ANKMY2: variants seen among roughly 807,000 people sequenced by gnomAD.
ANKMY2 encodes ankyrin repeat and MYND domain-containing protein 2.
A neutral mutation model predicts 50.4 loss-of-function variants in ANKMY2; 36 were observed. That is an observed-to-expected ratio of 0.71 (90% CI 0.55 to 0.94). The LOEUF (loss-of-function observed/expected upper bound fraction) is 0.94, where lower values mean the gene tolerates loss of function less well. ANKMY2 is among the 40% of genes least tolerant of loss of function. The probability of loss-of-function intolerance (pLI) is 0.00; values close to 1 mark genes in which losing one functional copy is unlikely to be tolerated. For missense variants in ANKMY2, 565 were observed against 524.0 expected, an observed-to-expected ratio of 1.08 and a Z score of -0.76; for synonymous variants, 187 against 178.8, an observed-to-expected ratio of 1.05 and a Z score of -0.36.
intron 4 of ANKMY2, among the ~76,000 whole-genome samples, chr7:16,620,902 G>C (rs1781426502): frequency 6.6e-6 from 1 of 151,878 alleles, no homozygotes; most frequent in South Asian, 2.1e-4. Context: ...AGTAAAAGTA[G>C]AACTAAAAGA....
At chr7:16,612,038 G>T (rs898956739) in intron 5 of ANKMY2, among the ~76,000 whole-genome samples, 1 of 152,160 alleles carries the variant, frequency 6.6e-6, no homozygotes, top group African/African-American at 2.4e-5. Context: ...CTTCCTGGTT[G>T]TAAGACAAGA....
chr7:16,619,403 C>G (rs1488447745), intron 4 of ANKMY2, among the ~76,000 whole-genome samples: 2 of 152,184 alleles, frequency 1.3e-5, no homozygotes, highest in Non-Finnish European at 2.9e-5. Flanking sequence ...ATCCGCCCGC[C>G]TTGGCCTCCC....
chr7:16,609,854 G>A (rs558973180), intron 6 of ANKMY2, 89 bp from the exon 7 acceptor site: 2 of 1,452,718 alleles, frequency 1.4e-6, no homozygotes, highest in East Asian at 2.4e-5. Context: ...AGTTTCTTCT[G>A]TTACTTATGA....
At chr7:16,605,674 CTTTTTTTTTTTTTTTTTT>C (rs11307797) in intron 7 of ANKMY2, among the ~76,000 whole-genome samples, 1 of 59,608 alleles carries the variant, frequency 1.7e-5, no homozygotes, top group Admixed American at 2.0e-4. Flanking sequence ...ATTTTTTGTA[CTTTTTTTTTTTTTTTTTT>C]TTTTTTTTGA....
intron 5 of ANKMY2, among the ~76,000 whole-genome samples, chr7:16,613,298 G>C (rs28498382): frequency 0.19 from 29,602 of 151,986 alleles, 3,225 homozygotes; most frequent in African/African-American, 0.29. Context: ...AATTTCCGAG[G>C]TTGTTTTAAA....
Position 16,600,514 on chromosome 7 carries a change from A to G in ANKMY2, c.*247T>C, listed in dbSNP as rs1781028597. 6.1e-6 allele frequency: 2 copies of G among 328,248 alleles called. No homozygotes were observed. The highest frequency in any genetic ancestry group is 1.1e-5 in the Non-Finnish European group (2 of 182,652). The allele number at this position is 328,248 out of a possible 1,614,324, so 20.3% of individuals were successfully genotyped here. On this transcript the variant is annotated 3_prime_UTR_variant, in exon 10 of 10. Transcript: ENST00000306999. ...GGAAAGCCAGCCTCAGAAAGGTAAT[A>G]GGAATGTTTTTCCTGTATTTTGAAA...
At chr7:16,622,897 T>C (rs910203593) in intron 4 of ANKMY2, among the ~76,000 whole-genome samples, 8 of 152,272 alleles carry the variant, frequency 5.3e-5, no homozygotes, top group African/African-American at 1.4e-4. Flanking sequence ...TTGTAAAACA[T>C]AGAAAATCAA....
Position 16,630,491 on chromosome 7 carries a change from C to T in ANKMY2, c.133-3313G>A, listed in dbSNP as rs1055924187. ...TACAATCCCCTTAAAAATAAAGTTC[C>T]TCTCCCATAATTCTTAAGTCAAAGA... On this transcript the variant is annotated intron_variant, in intron 2 of 9. Coordinates refer to ENST00000306999, the MANE Select transcript of ANKMY2 (RefSeq NM_020319.3). 3.9e-5 allele frequency among the ~76,000 whole-genome samples: 6 copies of T among 152,292 alleles called. 1 individual carries two copies. Among genetic ancestry groups the T allele is most frequent in the South Asian group, 2.1e-4 (1 of 4,832 alleles).
Sources: gnomAD v4.1 joint callset for allele counts (sites outside exome capture counted in the v4.1 genomes callset) on GRCh38, gnomAD v4.1.1 for gene constraint, MANE v1.5 for transcripts, NCBI Gene and HGNC (gene_info 2026-07-23, HGNC 2026-07-21) for gene names.